PEX14: variants seen among roughly 807,000 people sequenced by gnomAD.
PEX14 encodes the protein peroxisomal membrane protein PEX14.
Under a neutral mutation model 49.5 loss-of-function variants are expected in PEX14, and 15 were observed. The ratio of observed to expected loss-of-function variants is 0.30; its 90% CI spans 0.20 to 0.47. PEX14 has a LOEUF of 0.47. Ranked by LOEUF, PEX14 falls within the 20% of genes least tolerant of loss-of-function variation. The probability of loss-of-function intolerance (pLI) is 1.00; values close to 1 mark genes in which losing one functional copy is unlikely to be tolerated. For synonymous variants in PEX14, 210 were observed against 212.7 expected, an observed-to-expected ratio of 0.99 and a Z score of 0.11; for missense variants, 398 against 494.8, an observed-to-expected ratio of 0.80 and a Z score of 1.86.
At chr1:10,571,856 T>C (rs1468781120) in intron 3 of PEX14, among the ~76,000 whole-genome samples, 2 of 152,162 alleles carry the variant, frequency 1.3e-5, no homozygotes, top group Non-Finnish European at 2.9e-5. Flanking sequence ...GGACATTTTA[T>C]GTGATGTTTA....
At chr1:10,509,976 C>T (rs892177555) in intron 2 of PEX14, among the ~76,000 whole-genome samples, 9 of 152,146 alleles carry the variant, frequency 5.9e-5, no homozygotes, top group Admixed American at 1.3e-4. Flanking sequence ...TACAGGGGGC[C>T]TCAAGATAAT....
chr1:10,480,150 G>T (rs140439394), intron 1 of PEX14, among the ~76,000 whole-genome samples: 4 of 151,998 alleles, frequency 2.6e-5, no homozygotes, highest in African/African-American at 9.6e-5. Flanking sequence ...TTGAGAGTCT[G>T]TTGAACTCTT....
At chr1:10,488,542 C>T (rs939434678) in intron 1 of PEX14, among the ~76,000 whole-genome samples, 1 of 151,912 alleles carries the variant, frequency 6.6e-6, no homozygotes, top group Non-Finnish European at 1.5e-5. Flanking sequence ...CTCTGTCGCC[C>T]TGGCTGGAGT....
At chr1:10,556,120 C>T (rs1381952857) in intron 3 of PEX14, among the ~76,000 whole-genome samples, 3 of 152,040 alleles carry the variant, frequency 2.0e-5, no homozygotes, top group Non-Finnish European at 4.4e-5. Context: ...CAGTGCTCAG[C>T]GCTGTTAGCA....
intron 4 of PEX14, among the ~76,000 whole-genome samples, chr1:10,605,342 C>T (rs577247235): frequency 2.7e-4 from 41 of 152,262 alleles, no homozygotes; most frequent in African/African-American, 7.9e-4. Flanking sequence ...TGCTGTTCAT[C>T]GTAGAGGGAA....
chr1:10,595,786 A>G (rs373477632), intron 3 of PEX14, among the ~76,000 whole-genome samples: 35 of 152,282 alleles, frequency 2.3e-4, no homozygotes, highest in East Asian at 2.1e-3. Context: ...GTCTGTGTCT[A>G]ATTTGCATGA....
intron 2 of PEX14, among the ~76,000 whole-genome samples, chr1:10,520,158 TTTTTG>T (rs1278397560): frequency 1.0e-4 from 10 of 98,342 alleles, no homozygotes; most frequent in African/African-American, 3.3e-4. Context: ...CTTTTTTTTT[TTTTTG>T]TTTTTTTAAC....
At chr1:10,600,346 G>A (rs1377764077) in intron 4 of PEX14, among the ~76,000 whole-genome samples, 1 of 151,778 alleles carries the variant, frequency 6.6e-6, no homozygotes, top group Non-Finnish European at 1.5e-5. Context: ...GCTTGAACCC[G>A]GGAGGTGGAG....
chr1:10,579,409 G>A (rs745724651), intron 3 of PEX14, among the ~76,000 whole-genome samples: 2 of 152,130 alleles, frequency 1.3e-5, no homozygotes, highest in Non-Finnish European at 2.9e-5. Flanking sequence ...TCCCATTGAA[G>A]AGGAGATAAT....
intron 3 of PEX14, among the ~76,000 whole-genome samples, chr1:10,553,744 T>G (rs959114418): frequency 3.9e-5 from 6 of 152,148 alleles, no homozygotes; most frequent in Admixed American, 3.3e-4. Context: ...AAGCTCCTCT[T>G]CACTCCTTTG....
At chr1:10,589,831 T>G (rs1304185664) in intron 3 of PEX14, among the ~76,000 whole-genome samples, 1 of 152,222 alleles carries the variant, frequency 6.6e-6, no homozygotes, top group African/African-American at 2.4e-5. Context: ...TTCCAAAGTT[T>G]CTCAGTTTGC....
At position 10,536,448 on chromosome 1, in the gene PEX14, G is replaced by A; in HGVS notation, c.169+151G>A. The A allele has an allele frequency of 6.0e-6, 4 of 669,200 alleles. No homozygotes were observed. In the South Asian group the frequency reaches 6.5e-5, roughly 11 times the overall value. 41.5% of individuals were successfully genotyped at this position (669,200 alleles called of 1,614,324 possible). ...GTGGGGCTGAGGCGAACCCCCCAGT[G>A]GGGCATGCAGGTTTCTTTCCTGACA... On this transcript the variant is annotated intron_variant, in intron 3 of 8. Coordinates refer to ENST00000356607, the MANE Select transcript of PEX14 (RefSeq NM_004565.3).
At chr1:10,486,434 C>T (rs1234658088) in intron 1 of PEX14, among the ~76,000 whole-genome samples, 1 of 149,604 alleles carries the variant, frequency 6.7e-6, no homozygotes, top group Non-Finnish European at 1.5e-5. Context: ...AATCCCAGCA[C>T]TTTGGGAGGC....
At chr1:10,583,587 A>G (rs1640393072) in intron 3 of PEX14, among the ~76,000 whole-genome samples, 1 of 151,994 alleles carries the variant, frequency 6.6e-6, no homozygotes, top group African/African-American at 2.4e-5. Flanking sequence ...GGTACTAGGA[A>G]CATAGCAGTG....
chr1:10,486,268 A>G (rs1034046435), intron 1 of PEX14, among the ~76,000 whole-genome samples: 3 of 151,124 alleles, frequency 2.0e-5, no homozygotes, highest in African/African-American at 7.3e-5. Flanking sequence ...AAATATTTTT[A>G]GTCTTCTACA....
At chr1:10,546,439 C>T (rs560919734) in intron 3 of PEX14, among the ~76,000 whole-genome samples, 54 of 152,024 alleles carry the variant, frequency 3.6e-4, no homozygotes, top group Non-Finnish European at 5.3e-4. Flanking sequence ...GTGACGCTTA[C>T]CTGTAAACCA....
chr1:10,568,917 T>A (rs1158277397), intron 3 of PEX14, among the ~76,000 whole-genome samples: 1 of 152,012 alleles, frequency 6.6e-6, no homozygotes, highest in Non-Finnish European at 1.5e-5. Flanking sequence ...TTTTTGTATT[T>A]TTTGTAGAGA....
intron 3 of PEX14, among the ~76,000 whole-genome samples, chr1:10,589,408 C>T (rs1470895453): frequency 6.6e-6 from 1 of 152,200 alleles, no homozygotes; most frequent in African/African-American, 2.4e-5. Context: ...GTGTAATTTC[C>T]CTCTCTCTCC....
Position 10,597,448 on chromosome 1 carries a change from G to T in PEX14, c.170-1790G>T, listed in dbSNP as rs1010767998. Among the ~76,000 whole-genome samples, 5 of 152,164 alleles carry T rather than the reference G, an allele frequency of 3.3e-5. No homozygotes were observed. In the East Asian group the frequency reaches 9.6e-4, roughly 29 times the overall value. The stretch of plus-strand genomic sequence containing the variant: ...TGAGAGGCACAAACTCAGGGCGGGG[G>T]TATTCTCTGTTGTTGCCTGGCTTGC... On this transcript the variant is annotated intron_variant, in intron 3 of 8. Transcript: ENST00000356607. This position sits in a 1 kb window ranked among gnomAD's most constrained non-coding sequence, Gnocchi z 5.7.
Sources: gnomAD v4.1 joint callset for allele counts (sites outside exome capture counted in the v4.1 genomes callset) on GRCh38, gnomAD v4.1.1 for gene constraint, Gnocchi (gnomAD v3.1) non-coding constraint, MANE v1.5 for transcripts, NCBI Gene and HGNC (gene_info 2026-07-23, HGNC 2026-07-21) for gene names.